Variants in IFT43 observed in about 807,000 individuals in gnomAD.
The protein encoded by IFT43 is intraflagellar transport 43, also known as intraflagellar transport protein 43 homolog.
IFT43 carries 33 observed loss-of-function variants against 32.3 expected under a neutral mutation model. That is an observed-to-expected ratio of 1.02 (90% confidence interval 0.77 to 1.37). The LOEUF (loss-of-function observed/expected upper bound fraction) is 1.37. Among genes scored for constraint, IFT43 ranks in the 40% most tolerant of loss-of-function variants. The pLI is 0.00. For synonymous variants in IFT43, 93 were observed against 98.2 expected, an observed-to-expected ratio of 0.95 and a Z score of 0.31; for missense variants, 274 against 265.9, an observed-to-expected ratio of 1.03 and a Z score of -0.21.
chr14:75,986,724 C>A (rs112204563), intron 1 of IFT43, among the ~76,000 whole-genome samples: 2 of 152,154 alleles, frequency 1.3e-5, no homozygotes, highest in African/African-American at 4.8e-5. Flanking sequence ...CCCCATCAGG[C>A]CTTTTTATCT....
intron 2 of IFT43, among the ~76,000 whole-genome samples, chr14:76,007,515 C>G (rs2036002091): frequency 6.6e-6 from 1 of 152,170 alleles, no homozygotes; most frequent in Admixed American, 6.5e-5. Flanking sequence ...TGTTCCAAGT[C>G]ATTCCATCCT....
intron 1 of IFT43, among the ~76,000 whole-genome samples, chr14:75,988,614 G>A (rs1480919765): frequency 6.6e-6 from 1 of 152,076 alleles, no homozygotes; most frequent in African/African-American, 2.4e-5. Flanking sequence ...CGCCTCCCAG[G>A]TTCAAGCGAT....
At chr14:75,999,072 T>G (rs1335299705) in intron 2 of IFT43, among the ~76,000 whole-genome samples, 1 of 149,372 alleles carries the variant, frequency 6.7e-6, no homozygotes. Flanking sequence ...CTTATTGAGC[T>G]TCCTCTGTTT....
At chr14:75,998,614 T>G (rs909015688) in intron 2 of IFT43, among the ~76,000 whole-genome samples, 3 of 152,170 alleles carry the variant, frequency 2.0e-5, no homozygotes, top group African/African-American at 7.2e-5. Context: ...AGTGTCATGA[T>G]GGACTGAGGG....
chr14:76,068,266 G>T (rs1322302798), intron 5 of IFT43, among the ~76,000 whole-genome samples: 1 of 152,188 alleles, frequency 6.6e-6, no homozygotes, highest in Non-Finnish European at 1.5e-5. Flanking sequence ...ACCTTCCAAG[G>T]AAGGATGTCT....
At chr14:76,070,747 T>C (rs1243715936) in intron 5 of IFT43, among the ~76,000 whole-genome samples, 1 of 152,036 alleles carries the variant, frequency 6.6e-6, no homozygotes, top group Non-Finnish European at 1.5e-5. Context: ...TGAGTTCCGG[T>C]TGTTTAAGTG....
chr14:76,014,165 C>T lies in IFT43; in HGVS notation c.148-8162C>T, dbSNP rs187807080. On this transcript the variant is annotated intron_variant, in intron 2 of 8. Transcript: ENST00000314067. The stretch of plus-strand genomic sequence containing the variant: ...GACTAAAATCTACTGCAGTTGATTC[C>T]AGCAAGTATGAGCAGAGACCCCAAG... The T allele has an allele frequency of 2.3e-3, 584 of 258,622 alleles. 4 individuals are homozygous for T. Among genetic ancestry groups the T allele is most frequent in the African/African-American group, 0.013 (549 of 43,666 alleles). The allele number at this position is 258,622 out of a possible 1,614,324, so 16.0% of individuals were successfully genotyped here. A position where few individuals can be genotyped will look rare whatever the true frequency, so the allele number is the denominator to read the frequency against.
intron 2 of IFT43, among the ~76,000 whole-genome samples, chr14:75,999,255 A>AAATTCATTT (rs1371196849): frequency 0.012 from 121 of 10,414 alleles, no homozygotes; most frequent in Admixed American, 0.064. Context: ...ATATATATAT[A>AAATTCATTT]TATATATATA....
intron 5 of IFT43, among the ~76,000 whole-genome samples, chr14:76,068,736 T>C (rs976298107): frequency 2.0e-5 from 3 of 152,192 alleles, no homozygotes; most frequent in Non-Finnish European, 1.5e-5. Flanking sequence ...GAACATCAGA[T>C]CTGTAGTAGG....
At chr14:76,006,066 G>A (rs545710668) in intron 2 of IFT43, among the ~76,000 whole-genome samples, 1 of 152,110 alleles carries the variant, frequency 6.6e-6, no homozygotes, top group South Asian at 2.1e-4. Context: ...GGGACGTTCT[G>A]ATATATTAGC....
At chr14:75,996,277 G>T (rs2035745985) in intron 2 of IFT43, among the ~76,000 whole-genome samples, 1 of 152,164 alleles carries the variant, frequency 6.6e-6, no homozygotes, top group African/African-American at 2.4e-5. Context: ...TCCCAGCTCT[G>T]CCAGTTGCTA....
chr14:76,020,167 G>T (rs2036264117), intron 2 of IFT43, among the ~76,000 whole-genome samples: 1 of 152,038 alleles, frequency 6.6e-6, no homozygotes, highest in African/African-American at 2.4e-5. Flanking sequence ...TATAGATGGG[G>T]TTTCACCATG....
At chr14:76,042,803 AC>A (rs1467151960) in intron 3 of IFT43, among the ~76,000 whole-genome samples, 5 of 152,142 alleles carry the variant, frequency 3.3e-5, no homozygotes, top group African/African-American at 9.7e-5. Flanking sequence ...TTACAGGTGC[AC>A]CTGTAAAACT....
chr14:76,001,470 T>C (rs1247088985), intron 2 of IFT43, among the ~76,000 whole-genome samples: 1 of 152,078 alleles, frequency 6.6e-6, no homozygotes, highest in East Asian at 1.9e-4. Flanking sequence ...GCATGCGATA[T>C]AGATTTGAGG....
chr14:75,993,306 T>A (rs2139872127), intron 2 of IFT43, among the ~76,000 whole-genome samples: 1 of 152,326 alleles, frequency 6.6e-6, no homozygotes, highest in Middle Eastern at 3.4e-3. Flanking sequence ...AAATTCAGAT[T>A]TGGGGCTTCT....
At chr14:76,049,663 C>T (rs1270624443) in intron 3 of IFT43, among the ~76,000 whole-genome samples, 4 of 152,106 alleles carry the variant, frequency 2.6e-5, no homozygotes, top group Non-Finnish European at 5.9e-5. Flanking sequence ...ACTCATACAG[C>T]GGTTCTTCTT....
At chr14:76,019,983 T>C (rs2036259940) in intron 2 of IFT43, among the ~76,000 whole-genome samples, 1 of 148,842 alleles carries the variant, frequency 6.7e-6, no homozygotes, top group Admixed American at 6.7e-5. Flanking sequence ...GTTTGTACTC[T>C]TTTTTTTTTG....
At chr14:75,992,008 C>G (rs74878992) in intron 2 of IFT43, among the ~76,000 whole-genome samples, 1 of 152,144 alleles carries the variant, frequency 6.6e-6, no homozygotes, top group East Asian at 1.9e-4. Context: ...TATTTTTGTC[C>G]TCTTGCTGAC....
chr14:76,045,166 C>T (rs2036782010), intron 3 of IFT43, among the ~76,000 whole-genome samples: 1 of 152,160 alleles, frequency 6.6e-6, no homozygotes, highest in Admixed American at 6.5e-5. Context: ...TAAGGGCTCA[C>T]TCATCCTCCT....
Sources: gnomAD v4.1 joint callset for allele counts (sites outside exome capture counted in the v4.1 genomes callset) on GRCh38, gnomAD v4.1.1 for gene constraint, MANE v1.5 for transcripts, NCBI Gene and HGNC (gene_info 2026-07-23, HGNC 2026-07-21) for gene names.